Variants in FMR1NB observed in about 807,000 individuals in gnomAD.
FMR1NB encodes FMR1 neighbor protein.
Under a neutral mutation model 16.8 loss-of-function variants are expected in FMR1NB, and 10 were observed. The observed-to-expected ratio is 0.60, with a 90% CI of 0.37 to 1.01. The LOEUF is 1.01. Among genes scored for constraint, FMR1NB ranks in the 50% least tolerant of loss-of-function variants. FMR1NB has a pLI of 0.01. For synonymous variants in FMR1NB, 83 were observed against 79.1 expected, an observed-to-expected ratio of 1.05 and a Z score of -0.26; for missense variants, 205 against 204.8, an observed-to-expected ratio of 1.00 and a Z score of 0.00.
At chrX:148,022,986 A>G (rs1466261414) in intron 4 of FMR1NB, among the ~76,000 whole-genome samples, 2 of 111,890 alleles carry the variant, frequency 1.8e-5, no homozygotes, top group African/African-American at 6.5e-5. Flanking sequence ...ATTTTGTTGT[A>G]TTCATTTTGC....
At chrX:148,007,402 G>A (rs782362494) in intron 3 of FMR1NB, among the ~76,000 whole-genome samples, 2 of 111,771 alleles carry the variant, frequency 1.8e-5, no homozygotes, top group African/African-American at 3.2e-5. Context: ...TGATCCACCC[G>A]CCTCAGCTTC....
chrX:147,995,174 T>A (rs1252050560), intron 1 of FMR1NB, among the ~76,000 whole-genome samples: 3 of 112,180 alleles, frequency 2.7e-5, no homozygotes, highest in Non-Finnish European at 3.8e-5. Flanking sequence ...GTTTTGGACT[T>A]CTAGCCTCCA....
intron 1 of FMR1NB, among the ~76,000 whole-genome samples, chrX:147,990,985 T>A (rs1157980627): frequency 9.1e-6 from 1 of 110,357 alleles, no homozygotes; most frequent in Non-Finnish European, 1.9e-5. Flanking sequence ...ATTTCCTCAA[T>A]CTCCTCCCTT....
At chrX:148,022,890 A>G (rs2044686417) in intron 4 of FMR1NB, among the ~76,000 whole-genome samples, 1 of 112,196 alleles carries the variant, frequency 8.9e-6, no homozygotes, top group Non-Finnish European at 1.9e-5. Flanking sequence ...AGTAGGCTAT[A>G]TTGACGTCAC....
intron 1 of FMR1NB, among the ~76,000 whole-genome samples, chrX:147,982,709 C>T (rs1187163709): frequency 9.4e-6 from 1 of 106,725 alleles, no homozygotes; most frequent in Non-Finnish European, 1.9e-5. Flanking sequence ...CTGGTTAACA[C>T]GGTGAAACCC....
chrX:147,983,570 A>C (rs1182762944), intron 1 of FMR1NB, among the ~76,000 whole-genome samples: 1 of 111,963 alleles, frequency 8.9e-6, no homozygotes, highest in African/African-American at 3.2e-5. Flanking sequence ...ACCATTTTTA[A>C]TTGGATCGTT....
chrX:147,997,496 A>G (rs2044547916), intron 1 of FMR1NB, among the ~76,000 whole-genome samples: 1 of 112,545 alleles, frequency 8.9e-6, no homozygotes, highest in Non-Finnish European at 1.9e-5. Flanking sequence ...ACCTAAAACC[A>G]TAAAAACCCT....
chrX:148,012,933 G>A (rs782457380), intron 4 of FMR1NB, among the ~76,000 whole-genome samples: 2 of 112,144 alleles, frequency 1.8e-5, no homozygotes, highest in Admixed American at 9.5e-5. Context: ...CTACTGGAAA[G>A]TTTGAAGTTC....
intron 4 of FMR1NB, among the ~76,000 whole-genome samples, chrX:148,012,238 G>A (rs782764321): frequency 9.0e-6 from 1 of 111,519 alleles, no homozygotes; most frequent in Admixed American, 9.5e-5. Flanking sequence ...TGTAGCCAGC[G>A]ACAGTAGTCT....
chrX:147,981,848 A>G (rs987755846), intron 1 of FMR1NB, among the ~76,000 whole-genome samples, 169 bp downstream of exon 1: 1 of 111,421 alleles, frequency 9.0e-6, no homozygotes, highest in Non-Finnish European at 1.9e-5. Flanking sequence ...GTCCTTACAA[A>G]GTCCTGCCCT....
chrX:148,022,437 T>C (rs1454754949), intron 4 of FMR1NB, among the ~76,000 whole-genome samples: 1 of 112,533 alleles, frequency 8.9e-6, no homozygotes, highest in African/African-American at 3.2e-5. Context: ...CAAGGACAGG[T>C]ACCATATCTT....
At chrX:148,017,355 T>A (rs1243849233) in intron 4 of FMR1NB, among the ~76,000 whole-genome samples, 4 of 110,206 alleles carry the variant, frequency 3.6e-5, no homozygotes, top group African/African-American at 1.3e-4. Context: ...CATCTTCTTT[T>A]GGTTAAATCT....
intron 1 of FMR1NB, among the ~76,000 whole-genome samples, chrX:147,987,693 ATTTGT>A (rs1165810190): frequency 9.0e-6 from 1 of 111,392 alleles, no homozygotes; most frequent in Non-Finnish European, 1.9e-5. Flanking sequence ...GTCTGTAGGA[ATTTGT>A]TTTATGAATC....
Position 148,006,873 on chromosome X carries a change from T to C in FMR1NB, c.538+31T>C, listed in dbSNP as rs782210343. The C allele has an allele frequency of 7.7e-6, 9 of 1,167,151 alleles. No individual in the cohort carries two copies. In the East Asian group the frequency reaches 2.7e-4, roughly 35 times the overall value. ...TTATTCCTCTTTCATTTATTTCTAT[T>C]TTTTAATATTAAATAAACAGATCGC... is the stretch of plus-strand genomic sequence containing the variant. On this transcript the variant is annotated intron_variant, in intron 3 of 5. Coordinates refer to ENST00000370467, the MANE Select transcript of FMR1NB (RefSeq NM_152578.3).
At chrX:148,012,512 T>G (rs1326204688) in intron 4 of FMR1NB, among the ~76,000 whole-genome samples, 3 of 111,932 alleles carry the variant, frequency 2.7e-5, no homozygotes, top group Non-Finnish European at 5.6e-5. Flanking sequence ...AGTCTGAAAA[T>G]GACAAAACTG....
intron 1 of FMR1NB, among the ~76,000 whole-genome samples, chrX:147,986,867 G>A (rs1372635973): frequency 5.4e-5 from 6 of 111,784 alleles, no homozygotes; most frequent in African/African-American, 1.3e-4. Flanking sequence ...AAAGCCAATG[G>A]TATCTTGATG....
intron 4 of FMR1NB, among the ~76,000 whole-genome samples, chrX:148,010,598 G>A (rs1314968814): frequency 9.0e-6 from 1 of 111,510 alleles, no homozygotes; most frequent in African/African-American, 3.3e-5. Flanking sequence ...ATTAGGGTAG[G>A]TAAAATAAAT....
Position 147,981,372 on chromosome X carries a change from G to A in FMR1NB, c.-31G>A. 1.7e-6 allele frequency: 2 copies of A among 1,143,231 alleles called. No homozygotes were observed. Among genetic ancestry groups the A allele is most frequent in the South Asian group, 3.8e-5 (2 of 52,806 alleles). 94.2% of individuals were successfully genotyped at this position (1,143,231 alleles called of 1,213,427 possible). A position where few individuals can be genotyped will look rare whatever the true frequency, so the allele number is the denominator to read the frequency against. ...GACTGCCGGACCGTTGGGCTGTGAGGCAGCGTCTCAGCGAGGCGGCACCCG... is the reference window on the plus strand; with the variant it reads ...GACTGCCGGACCGTTGGGCTGTGAGACAGCGTCTCAGCGAGGCGGCACCCG... On this transcript the variant is annotated 5_prime_UTR_variant, in exon 1 of 6. Transcript: ENST00000370467.
At chrX:148,015,762 C>T (rs1195220965) in intron 4 of FMR1NB, among the ~76,000 whole-genome samples, 2 of 112,088 alleles carry the variant, frequency 1.8e-5, no homozygotes, top group African/African-American at 6.5e-5. Context: ...GAGGATAATT[C>T]ATGTGCTGGG....
Sources: allele counts gnomAD v4.1 joint callset (sites outside exome capture counted in the v4.1 genomes callset), GRCh38; gene constraint gnomAD v4.1.1; transcripts MANE v1.5; gene names NCBI Gene and HGNC (gene_info 2026-07-23, HGNC 2026-07-21).